Variants in DIP2A observed in about 807,000 individuals in gnomAD.
DIP2A encodes the protein DIP2 acetate--CoA ligase A, also known as disco-interacting protein 2 homolog A.
In DIP2A, 85 loss-of-function variants were observed where a neutral mutation model predicts 177.4. The ratio of observed to expected loss-of-function variants is 0.48; its 90% CI spans 0.40 to 0.57. The LOEUF is 0.57. Among genes scored for constraint, DIP2A ranks in the 20% least tolerant of loss-of-function variants. DIP2A has a pLI of 0.00. For synonymous variants in DIP2A, 886 were observed against 881.8 expected, an observed-to-expected ratio of 1.00 and a Z score of -0.08; for missense variants, 1,791 against 2,100.2, an observed-to-expected ratio of 0.85 and a Z score of 2.88.
intron 2 of DIP2A, among the ~76,000 whole-genome samples, chr21:46,489,033 A>T (rs2056850933): frequency 6.6e-6 from 1 of 152,238 alleles, no homozygotes; most frequent in Non-Finnish European, 1.5e-5. Flanking sequence ...GCCAAAAGCC[A>T]GTAGGGATTC....
intron 18 of DIP2A, among the ~76,000 whole-genome samples, chr21:46,544,371 T>G (rs1323335306): frequency 1.3e-5 from 2 of 152,130 alleles, no homozygotes; most frequent in African/African-American, 4.8e-5. Context: ...CGTTTGTCAG[T>G]AGAGGGTGGT....
intron 32 of DIP2A, chr21:46,559,124 A>C (rs111854359): frequency 1.4e-5 from 2 of 137,978 alleles, no homozygotes; most frequent in African/African-American, 2.7e-5. Flanking sequence ...AAAAAAAAAA[A>C]CATAGGTAGC....
chr21:46,487,378 C>T (rs2056757399), intron 2 of DIP2A, among the ~76,000 whole-genome samples: 1 of 152,184 alleles, frequency 6.6e-6, no homozygotes, highest in African/African-American at 2.4e-5. Flanking sequence ...TGTCCAAAAT[C>T]ACCAGCAATC....
intron 33 of DIP2A, chr21:46,561,265 G>A (rs775949460): frequency 5.8e-4 from 156 of 270,888 alleles, no homozygotes; most frequent in Non-Finnish European, 8.8e-4. Context: ...TGGCAAGAAC[G>A]TTTCTTACCT....
chr21:46,464,661 G>A (rs965482341), intron 1 of DIP2A, among the ~76,000 whole-genome samples: 1 of 152,114 alleles, frequency 6.6e-6, no homozygotes, highest in Non-Finnish European at 1.5e-5. Context: ...GAGAGAGGAA[G>A]GGGGCCAAAA....
downstream of DIP2A, among the ~76,000 whole-genome samples, chr21:46,574,496 A>G (rs535585276): frequency 1.3e-5 from 2 of 152,248 alleles, no homozygotes; most frequent in East Asian, 3.9e-4. Context: ...ATGAGAGACA[A>G]TAGAAAAACA....
intron 8 of DIP2A, among the ~76,000 whole-genome samples, chr21:46,517,286 C>A (rs2148665248): frequency 6.6e-6 from 1 of 151,964 alleles, no homozygotes; most frequent in Admixed American, 6.6e-5. Context: ...ACTGTGTTGT[C>A]CAGGCTGGTC....
Position 46,546,950 on chromosome 21 carries a change from G to A in DIP2A, c.2430G>A (p.Gly810=). The part of the protein sequence containing the change: ...NLVFIVGKLD[G]LMVTGVRRHN... ...TCTTCATCGTGGGCAAACTGGACGG[G>A]CTGATGGTCACTGGAGTTCGCAGAC... The change falls in exon 21 of 38, where the codon GGG becomes GGA. Residue 810 remains glycine (G), a synonymous_variant. Transcript: ENST00000417564. 1.2e-6 allele frequency: 2 copies of A among 1,613,970 alleles called. No individual in the cohort carries two copies. The highest frequency in any genetic ancestry group is 2.2e-5 in the East Asian group (1 of 44,884).
intron 3 of DIP2A, among the ~76,000 whole-genome samples, chr21:46,492,947 A>C (rs909641841): frequency 1.4e-5 from 1 of 71,874 alleles, no homozygotes; most frequent in Non-Finnish European, 3.5e-5. Context: ...AAAAAGGAAG[A>C]AAAAAAAAAG....
At position 46,532,109 on chromosome 21, in the gene DIP2A, T is replaced by G. The variant is rs1436190456; in HGVS notation, c.1195-18T>G. ...AAAATTGGAAATTTGGAATATTCAT[T>G]TCTTTGTCCTGTTGTAGGTGGCGCT... On this transcript the variant is annotated intron_variant, in intron 9 of 37. Transcript: ENST00000417564. The G allele has an allele frequency of 1.3e-6, 2 of 1,598,482 alleles. No individual in the cohort carries two copies. Among genetic ancestry groups the G allele is most frequent in the African/African-American group, 1.3e-5 (1 of 74,288 alleles).
In DIP2A at chr21:46,532,214, A is replaced by C. The variant is rs369032226; in HGVS notation, c.1282A>C (p.Ile428Leu). ...CLLAELVPVP[I>L]EVPLTRKDAG... ...CCTGGCAGAGCTGGTTCCTGTCCCC[A>C]TAGAAGTGCCATTAACAAGAAAGGT... Residue 428 changes from isoleucine (I) to leucine (L), a missense_variant, in exon 10 of 38, where the codon ATA becomes CTA. Coordinates refer to ENST00000417564, the MANE Select transcript of DIP2A (RefSeq NM_015151.4). 6.2e-7 allele frequency: 1 copy of C among 1,613,916 alleles called. No individual in the cohort carries two copies. The highest frequency in any genetic ancestry group is 8.5e-7 in the Non-Finnish European group (1 of 1,179,846).
intron 5 of DIP2A, among the ~76,000 whole-genome samples, chr21:46,500,470 TA>T (rs2057589764): frequency 6.6e-6 from 1 of 152,248 alleles, no homozygotes; most frequent in Non-Finnish European, 1.5e-5. Context: ...GTTGGTGATT[TA>T]ACTTTGTAGA....
intron 8 of DIP2A, among the ~76,000 whole-genome samples, chr21:46,515,558 A>G (rs2058534890): frequency 6.6e-6 from 1 of 151,606 alleles, no homozygotes; most frequent in African/African-American, 2.4e-5. Flanking sequence ...TTTTTTTGAG[A>G]CAAGGTTGTG....
intron 32 of DIP2A, chr21:46,558,927 C>T (rs995592721): frequency 3.1e-4 from 50 of 162,786 alleles, no homozygotes; most frequent in Non-Finnish European, 6.4e-4. Flanking sequence ...GATGAGACCC[C>T]GTCTCTACTA....
chr21:46,534,466 C>A, intron 12 of DIP2A, 119 bp from the exon 13 acceptor site: 2 of 979,638 alleles, frequency 2.0e-6, no homozygotes, highest in Admixed American at 2.2e-5. Context: ...TGGTTAGAGG[C>A]CGATGGTTAG....
At chr21:46,467,293 C>T (rs1446472981) in intron 1 of DIP2A, among the ~76,000 whole-genome samples, 1 of 71,346 alleles carries the variant, frequency 1.4e-5, no homozygotes, top group Non-Finnish European at 2.8e-5. Flanking sequence ...GAGACTCCGT[C>T]TCAAAAAAAA....
At chr21:46,579,339 T>G in the DIP2A span, among the ~76,000 whole-genome samples, 1 of 152,198 alleles carries the variant, frequency 6.6e-6, no homozygotes, top group African/African-American at 2.4e-5. Context: ...CATTTGATTC[T>G]TTTCACTTTT....
intron 21 of DIP2A, among the ~76,000 whole-genome samples, chr21:46,547,682 T>TTG (rs1555909424): frequency 4.7e-5 from 6 of 127,802 alleles, no homozygotes; most frequent in Non-Finnish European, 1.0e-4. Flanking sequence ...TTTTTTTTTT[T>TTG]AAAGATAGGG....
At chr21:46,505,979 G>T (rs1682236851) in intron 6 of DIP2A, among the ~76,000 whole-genome samples, 1 of 152,140 alleles carries the variant, frequency 6.6e-6, no homozygotes, top group Non-Finnish European at 1.5e-5. Context: ...TGTGTATTTA[G>T]GTTGTTTCTA....
Sources: gnomAD v4.1 joint callset for allele counts (sites outside exome capture counted in the v4.1 genomes callset) on GRCh38, gnomAD v4.1.1 for gene constraint, MANE v1.5 for transcripts, NCBI Gene and HGNC (gene_info 2026-07-23, HGNC 2026-07-21) for gene names.